TTC7B: variants seen among roughly 807,000 people sequenced by gnomAD.
The protein encoded by TTC7B is tetratricopeptide repeat domain 7B.
TTC7B carries 28 observed loss-of-function variants against 106.8 expected under a neutral mutation model. The ratio of observed to expected loss-of-function variants is 0.26; its 90% CI spans 0.19 to 0.36. The LOEUF (loss-of-function observed/expected upper bound fraction) is 0.36, where lower values mean the gene tolerates loss of function less well. Among genes scored for constraint, TTC7B ranks in the 10% least tolerant of loss-of-function variants. TTC7B has a pLI of 1.00. For synonymous variants in TTC7B, 405 were observed against 430.6 expected, an observed-to-expected ratio of 0.94 and a Z score of 0.74; for missense variants, 862 against 1,076.4, an observed-to-expected ratio of 0.80 and a Z score of 2.79.
In TTC7B at chr14:90,695,486, CTG is replaced by C. The variant is rs765274749; in HGVS notation, c.777+12_777+13del. 6.4e-7 allele frequency: 1 copy of C among 1,567,458 alleles called. No homozygotes were observed. ...TGCCCTGCTGGCCTCAATCAAGTCACTGTTCACACTTACCATTCGCAGGTTTT... is the reference window on the plus strand; with the variant it reads ...TGCCCTGCTGGCCTCAATCAAGTCACTTCACACTTACCATTCGCAGGTTTT... On this transcript the variant is annotated intron_variant, in intron 6 of 19. Transcript: ENST00000328459.
intron 19 of TTC7B, among the ~76,000 whole-genome samples, chr14:90,552,427 G>A (rs535085609): frequency 7.9e-5 from 12 of 152,294 alleles, no homozygotes; most frequent in African/African-American, 2.6e-4. Context: ...GACAGCCCGT[G>A]CCCATCTAAG....
intron 19 of TTC7B, among the ~76,000 whole-genome samples, chr14:90,559,042 C>T (rs1392875874): frequency 1.3e-5 from 2 of 152,236 alleles, no homozygotes; most frequent in South Asian, 4.1e-4. Context: ...TCAGTTACCA[C>T]TTCAATATGG....
chr14:90,651,676 G>A (rs1885724204), intron 13 of TTC7B, among the ~76,000 whole-genome samples: 1 of 152,238 alleles, frequency 6.6e-6, no homozygotes, highest in Non-Finnish European at 1.5e-5. Flanking sequence ...ACAGAGACAG[G>A]AGATCTGTTT....
In TTC7B at chr14:90,570,297, G is replaced by A. The variant is rs183858934; in HGVS notation, c.2310+7809C>T. On this transcript the variant is annotated intron_variant, in intron 19 of 19. Coordinates refer to ENST00000328459, the MANE Select transcript of TTC7B (RefSeq NM_001010854.2). The surrounding 1 kb of genome is among the most constrained non-coding windows in gnomAD (Gnocchi z 4.0). The stretch of plus-strand genomic sequence containing the variant: ...TGGCTGCATCATCCAATCCTGCCTC[G>A]AAGTCATTTCCCGCACTCATTTGGT... Among the ~76,000 whole-genome samples the A allele has an allele frequency of 1.3e-5, 2 of 152,136 alleles. No homozygotes were observed. Among genetic ancestry groups the A allele is most frequent in the African/African-American group, 4.8e-5 (2 of 41,416 alleles).
intron 17 of TTC7B, chr14:90,601,911 G>A: frequency 3.2e-6 from 1 of 313,752 alleles, no homozygotes; most frequent in South Asian, 2.8e-5. Flanking sequence ...GAGTTGCCGG[G>A]TGACTCCAGA....
At chr14:90,716,983 C>T (rs1749718) in intron 5 of TTC7B, among the ~76,000 whole-genome samples, 74,551 of 151,864 alleles carry the variant, frequency 0.49, 19,042 homozygotes, top group African/African-American at 0.59. Context: ...AAGGCATTCA[C>T]AAATAAAAAG....
In TTC7B at chr14:90,586,339, C is replaced by T. The variant is rs1012027061; in HGVS notation, c.2107+7147G>A. ...AGGCTGGAGTGCAGTGGTGCGATCT[C>T]GGCTCATTGCAATCTCCACCTCCCA... On this transcript the variant is annotated intron_variant, in intron 18 of 19. Coordinates refer to ENST00000328459, the MANE Select transcript of TTC7B (RefSeq NM_001010854.2). Among the ~76,000 whole-genome samples, 3 of 152,288 alleles carry T rather than the reference C, an allele frequency of 2.0e-5. No homozygotes were observed. The East Asian group carries it at 5.8e-4, about 29-fold the overall frequency.
chr14:90,618,494 G>A (rs151110142), intron 15 of TTC7B, among the ~76,000 whole-genome samples: 4 of 152,278 alleles, frequency 2.6e-5, no homozygotes, highest in African/African-American at 9.6e-5. Flanking sequence ...TGTGAGCTTC[G>A]AAAGCCTGAA....
At chr14:90,601,582 G>A (rs1404566068) in intron 17 of TTC7B, among the ~76,000 whole-genome samples, 1 of 152,234 alleles carries the variant, frequency 6.6e-6, no homozygotes, top group Non-Finnish European at 1.5e-5. Context: ...ATTTTAGCAT[G>A]TTCTTGGAGA....
chr14:90,736,551 AAC>A (rs1889536165), intron 4 of TTC7B, among the ~76,000 whole-genome samples: 1 of 152,016 alleles, frequency 6.6e-6, no homozygotes, highest in African/African-American at 2.4e-5. Flanking sequence ...CAGCCCTGGC[AAC>A]AGAGTGAGAC....
chr14:90,642,786 A>G (rs1885238754), intron 15 of TTC7B: 1 of 152,212 alleles, frequency 6.6e-6, no homozygotes, highest in Admixed American at 6.5e-5. Flanking sequence ...TAGGTTACGT[A>G]TAATATTGAT....
intron 5 of TTC7B, among the ~76,000 whole-genome samples, chr14:90,717,141 C>T (rs1189023211): frequency 6.6e-6 from 1 of 152,042 alleles, no homozygotes; most frequent in African/African-American, 2.4e-5. Flanking sequence ...TGATCGAGAC[C>T]ATCCTGGCTA....
chr14:90,596,050 T>C lies in TTC7B; in HGVS notation c.1967-2424A>G, dbSNP rs199746795. Among the ~76,000 whole-genome samples, 14 of 152,284 alleles carry C rather than the reference T, an allele frequency of 9.2e-5. No homozygotes were observed. The East Asian group carries it at 2.1e-3, about 23-fold the overall frequency. ...ATCTCTTCAGACTCTAAAAAAATCA[T>C]TGAAGACCCTAAAGAGGTTGTTTAT... On this transcript the variant is annotated intron_variant, in intron 17 of 19. Coordinates refer to ENST00000328459, the MANE Select transcript of TTC7B (RefSeq NM_001010854.2).
At chr14:90,677,735 C>T (rs1886896920) in intron 8 of TTC7B, 1 of 437,498 alleles carries the variant, frequency 2.3e-6, no homozygotes, top group African/African-American at 2.0e-5. Flanking sequence ...CACACACACA[C>T]CTTCCCTCTC....
chr14:90,593,348 C>T (rs773827765), intron 18 of TTC7B, 138 bp downstream of exon 18: 129 of 1,272,512 alleles, frequency 1.0e-4, no homozygotes, highest in African/African-American at 3.0e-4. Flanking sequence ...GGTGCATGGC[C>T]GTGAAGCTTT....
chr14:90,582,338 G>A (rs1403692677), intron 18 of TTC7B, among the ~76,000 whole-genome samples: 1 of 152,250 alleles, frequency 6.6e-6, no homozygotes, highest in African/African-American at 2.4e-5. Context: ...CCTTGGGCAA[G>A]TCAATCACCT....
At chr14:90,648,965 A>G (rs962082430) in intron 13 of TTC7B, 3 of 152,246 alleles carry the variant, frequency 2.0e-5, no homozygotes, top group Non-Finnish European at 2.9e-5. Context: ...GGTTGCCTCT[A>G]TGCAATACCA....
At chr14:90,598,920 G>A (rs1051336852) in intron 17 of TTC7B, among the ~76,000 whole-genome samples, 1 of 152,194 alleles carries the variant, frequency 6.6e-6, no homozygotes, top group East Asian at 1.9e-4. Context: ...GGCTGAGGCG[G>A]GTGGATCACT....
chr14:90,683,237 G>A (rs778479478), intron 7 of TTC7B, among the ~76,000 whole-genome samples: 10 of 152,114 alleles, frequency 6.6e-5, no homozygotes, highest in Admixed American at 1.3e-4. Context: ...GCCAACCCAC[G>A]AGAAAGTTGA....
Sources: gnomAD v4.1 joint callset for allele counts (sites outside exome capture counted in the v4.1 genomes callset) on GRCh38, gnomAD v4.1.1 for gene constraint, Gnocchi (gnomAD v3.1) non-coding constraint, MANE v1.5 for transcripts, NCBI Gene and HGNC (gene_info 2026-07-23, HGNC 2026-07-21) for gene names.